Variants in SLC44A3 observed in about 807,000 individuals in gnomAD.
SLC44A3 encodes solute carrier family 44 member 3, also known as choline transporter-like protein 3.
SLC44A3 carries 74 observed loss-of-function variants against 75.4 expected under a neutral mutation model. That is an observed-to-expected ratio of 0.98 (90% CI 0.81 to 1.19). The LOEUF (loss-of-function observed/expected upper bound fraction) is 1.19, where lower values mean the gene tolerates loss of function less well. Ranked by LOEUF, SLC44A3 falls within the 50% of genes most tolerant of loss-of-function variation. The pLI is 0.00. For synonymous variants in SLC44A3, 310 were observed against 296.9 expected (o/e 1.04, Z -0.45); for missense variants, 700 against 778.6 (o/e 0.90, Z 1.20).
intron 8 of SLC44A3, among the ~76,000 whole-genome samples, chr1:94,842,531 C>T (rs565974049): frequency 6.6e-5 from 10 of 152,336 alleles, no homozygotes; most frequent in Admixed American, 2.6e-4. Context: ...TTTCCAAACC[C>T]GCTGGCCACT....
Position 94,895,001 on chromosome 1 carries a change from GA to G in SLC44A3, c.*83del. 1 of 1,125,954 alleles carries G rather than the reference GA, an allele frequency of 8.9e-7. No homozygotes were observed. Among genetic ancestry groups the G allele is most frequent in the South Asian group, 1.6e-5 (1 of 63,628 alleles). The allele number at this position is 1,125,954 out of a possible 1,614,324, so 69.7% of individuals were successfully genotyped here. On this transcript the variant is annotated 3_prime_UTR_variant, in exon 15 of 15. Transcript: ENST00000271227. ...CAGAATAGAAGATGAGACCACTAGA[GA>G]AAAGTTAGTGAATTTTTTTTTAAAA...
chr1:94,840,134 G>T, intron 7 of SLC44A3, 97 bp downstream of exon 7: 1 of 982,322 alleles, frequency 1.0e-6, no homozygotes, highest in East Asian at 2.4e-5. Context: ...AAGCTACATG[G>T]AGTCTTAAAG....
In SLC44A3 at chr1:94,839,964, G is replaced by C. The variant is rs985932121; in HGVS notation, c.687G>C (p.Met229Ile). 4.3e-6 allele frequency: 7 copies of C among 1,613,894 alleles called. No individual in the cohort carries two copies. Among genetic ancestry groups the C allele is most frequent in the Non-Finnish European group, 5.9e-6 (7 of 1,179,954 alleles). Residue 229 changes from methionine to isoleucine, a missense_variant, in exon 7 of 15, where the codon ATG (methionine) becomes ATC (isoleucine). By Grantham distance (10) the Met-to-Ile change is conservative. Transcript: ENST00000271227. ...ATTTTTCAGCCTTGTCTTTGGCCATGATGTTTACCTTCAGATTCATCACCA... is the reference window on the plus strand; with the variant it reads ...ATTTTTCAGCCTTGTCTTTGGCCATCATGTTTACCTTCAGATTCATCACCA... ...CILALALSLA[M>I]MFTFRFITTL...
At chr1:94,844,094 C>T (rs1664074734) in intron 8 of SLC44A3, among the ~76,000 whole-genome samples, 1 of 152,072 alleles carries the variant, frequency 6.6e-6, no homozygotes, top group South Asian at 2.1e-4. Context: ...CTCTAGGAGC[C>T]TAATCTAATG....
At position 94,872,676 on chromosome 1, in the gene SLC44A3, G is replaced by T. The variant is rs551985340; in HGVS notation, c.1482+5259G>T. On this transcript the variant is annotated intron_variant, in intron 12 of 14. Transcript: ENST00000271227. ...TTGCTGAGCTTCTGCAATATGAAAG[G>T]GTTAGATTCAGTGACCCCCAAGGTT... Among the ~76,000 whole-genome samples the T allele has an allele frequency of 5.9e-5, 9 of 152,314 alleles. 1 individual carries two copies. In the South Asian group the frequency reaches 1.9e-3, roughly 32 times the overall value.
intron 2 of SLC44A3, among the ~76,000 whole-genome samples, chr1:94,822,737 C>T (rs1660784234): frequency 6.6e-6 from 1 of 152,210 alleles, no homozygotes; most frequent in Admixed American, 6.5e-5. Flanking sequence ...CTCTCCTGCC[C>T]TGCCTTTTCC....
At chr1:94,875,408 G>A (rs72962414) in intron 12 of SLC44A3, among the ~76,000 whole-genome samples, 1,895 of 152,238 alleles carry the variant, frequency 0.012, 30 homozygotes, top group African/African-American at 0.044. Flanking sequence ...TCATAATAGC[G>A]GAATCTGGGG....
chr1:94,857,058 C>T (rs1271453672), intron 9 of SLC44A3, among the ~76,000 whole-genome samples: 1 of 152,188 alleles, frequency 6.6e-6, no homozygotes, highest in African/African-American at 2.4e-5. Context: ...CCTCAGTTTT[C>T]ACATCCACAA....
At chr1:94,853,989 C>G (rs1665540802) in intron 9 of SLC44A3, among the ~76,000 whole-genome samples, 1 of 151,880 alleles carries the variant, frequency 6.6e-6, no homozygotes, top group East Asian at 1.9e-4. Context: ...CTACCTATAT[C>G]TCATTTATAG....
chr1:94,866,316 C>T (rs1239653665), intron 11 of SLC44A3, among the ~76,000 whole-genome samples: 1 of 152,060 alleles, frequency 6.6e-6, no homozygotes, highest in Non-Finnish European at 1.5e-5. Flanking sequence ...AAAGAGAAGG[C>T]CCAAGGACCT....
At chr1:94,874,715 A>G (rs1165443958) in intron 12 of SLC44A3, among the ~76,000 whole-genome samples, 2 of 152,298 alleles carry the variant, frequency 1.3e-5, no homozygotes, top group East Asian at 3.9e-4. Flanking sequence ...GTGCTACTTT[A>G]TGTGTATCAA....
chr1:94,837,869 T>G lies in SLC44A3; in HGVS notation c.668T>G (p.Leu223Ter), dbSNP rs773809850. 2.5e-6 allele frequency: 4 copies of G among 1,588,878 alleles called. No homozygotes were observed. The South Asian group carries it at 4.7e-5, about 19-fold the overall frequency. Residue 223 changes from leucine (L) to a stop codon, truncating the protein, a stop_gained and splice_region_variant, in exon 6 of 15, where the codon TTA (leucine) becomes TGA (stop). Coordinates refer to ENST00000271227, the MANE Select transcript of SLC44A3 (RefSeq NM_001114106.3). LOFTEE classifies it high-confidence loss of function. Reference protein sequence around the residue: ...DTILGLCILALALSLAMMFTF... With the variant: ...DTILGLCILA Reference sequence around the variant, plus strand: ...ATCCTTGGCCTGTGTATCCTCGCATTAGGTAATTCTCAGTTAAGTTAATTT... The same window carrying G: ...ATCCTTGGCCTGTGTATCCTCGCATGAGGTAATTCTCAGTTAAGTTAATTT...
intron 14 of SLC44A3, 24 bp from the exon 15 acceptor site, chr1:94,894,794 C>T: frequency 6.3e-7 from 1 of 1,586,624 alleles, no homozygotes; most frequent in East Asian, 2.3e-5. Context: ...TAATACTATT[C>T]TAACTTGTTC....
intron 10 of SLC44A3, among the ~76,000 whole-genome samples, chr1:94,859,690 A>G (rs905032938): frequency 2.6e-5 from 4 of 152,192 alleles, no homozygotes; most frequent in African/African-American, 9.7e-5. Context: ...GACTTGGGGT[A>G]TCAGGTACAG....
chr1:94,891,063 A>G (rs940383601), intron 12 of SLC44A3, 67 bp from the exon 13 acceptor site: 6 of 1,434,892 alleles, frequency 4.2e-6, no homozygotes, highest in Non-Finnish European at 5.7e-6. Flanking sequence ...AACACTCTGT[A>G]TTAATATATT....
intron 12 of SLC44A3, among the ~76,000 whole-genome samples, chr1:94,889,799 A>C (rs1459156921): frequency 1.3e-5 from 2 of 152,216 alleles, no homozygotes; most frequent in Non-Finnish European, 1.5e-5. Context: ...CAAAGAAAAA[A>C]GCCAGATATA....
intron 12 of SLC44A3, among the ~76,000 whole-genome samples, chr1:94,883,989 G>A (rs1375367422): frequency 6.6e-6 from 1 of 152,072 alleles, no homozygotes; most frequent in African/African-American, 2.4e-5. Context: ...TTTCTAAGGG[G>A]TGGGATCACA....
At chr1:94,891,554 G>A (rs547315217) in intron 13 of SLC44A3, among the ~76,000 whole-genome samples, 2 of 152,186 alleles carry the variant, frequency 1.3e-5, no homozygotes, top group South Asian at 4.1e-4. Context: ...CTCTTTTTCA[G>A]GTCTAAAATG....
At chr1:94,856,364 C>T (rs772550187) in intron 9 of SLC44A3, among the ~76,000 whole-genome samples, 4 of 152,136 alleles carry the variant, frequency 2.6e-5, no homozygotes, top group Non-Finnish European at 5.9e-5. Context: ...AGCCAAATAA[C>T]TTGTCCAGGG....
Sources: gnomAD v4.1 joint callset for allele counts (sites outside exome capture counted in the v4.1 genomes callset) on GRCh38, gnomAD v4.1.1 for gene constraint, MANE v1.5 for transcripts, NCBI Gene and HGNC (gene_info 2026-07-23, HGNC 2026-07-21) for gene names.